ADARB2: variants seen among roughly 807,000 people sequenced by gnomAD.
ADARB2 encodes the protein adenosine deaminase RNA specific B2 (inactive).
In ADARB2, 25 loss-of-function variants were observed where a neutral mutation model predicts 62.2. The ratio of observed to expected loss-of-function variants is 0.40; its 90% confidence interval spans 0.29 to 0.56. ADARB2 has a LOEUF of 0.56. Ranked by LOEUF, ADARB2 falls within the 20% of genes least tolerant of loss-of-function variation. The pLI, the probability that ADARB2 is intolerant of heterozygous loss-of-function variation, is 0.43. For missense variants in ADARB2, 1,071 were observed against 1,077.4 expected (o/e 0.99, Z 0.08); for synonymous variants, 572 against 500.8 (o/e 1.14, Z -1.90).
At position 1,423,642 on chromosome 10, in the gene ADARB2, A is replaced by C. The variant is rs576037022; in HGVS notation, c.101-44482T>G. 1.1e-4 allele frequency among the ~76,000 whole-genome samples: 17 copies of C among 152,212 alleles called. No individual in the cohort carries two copies. The South Asian group carries it at 3.3e-3, about 30-fold the overall frequency. On this transcript the variant is annotated intron_variant, in intron 1 of 9. Coordinates refer to ENST00000381312, the MANE Select transcript of ADARB2 (RefSeq NM_018702.4). ...TATGCAGTAGGTCCACTATGTATGC[A>C]GTAAGATCACTGTGTATGCAGTAGG...
At chr10:1,427,868 T>C (rs1281771566) in intron 1 of ADARB2, among the ~76,000 whole-genome samples, 2 of 152,218 alleles carry the variant, frequency 1.3e-5, no homozygotes, top group Non-Finnish European at 2.9e-5. Context: ...CACACCATGG[T>C]CATACACACT....
intron 3 of ADARB2, among the ~76,000 whole-genome samples, chr10:1,327,288 GCC>G (rs1831872225): frequency 1.5e-5 from 1 of 66,990 alleles, no homozygotes; most frequent in South Asian, 5.2e-4. Context: ...CCTCCTCACT[GCC>G]CAGCGCCTCC....
At chr10:1,342,349 C>A (rs1832037667) in intron 3 of ADARB2, among the ~76,000 whole-genome samples, 1 of 152,208 alleles carries the variant, frequency 6.6e-6, no homozygotes, top group East Asian at 1.9e-4. Context: ...ACCAACAGGG[C>A]CTTGACTCTG....
At chr10:1,559,192 C>T (rs371217379) in intron 1 of ADARB2, among the ~76,000 whole-genome samples, 6 of 152,204 alleles carry the variant, frequency 3.9e-5, no homozygotes, top group African/African-American at 1.4e-4. Context: ...CTTCTCCCCA[C>T]CCAGGACTCT....
intron 1 of ADARB2, among the ~76,000 whole-genome samples, chr10:1,581,231 G>A (rs1281644499): frequency 1.3e-5 from 2 of 152,266 alleles, no homozygotes; most frequent in African/African-American, 2.4e-5. Context: ...GTGCGGGGAA[G>A]AAGCCTGGAA....
intron 1 of ADARB2, among the ~76,000 whole-genome samples, chr10:1,560,801 C>G (rs892124048): frequency 3.3e-5 from 5 of 152,236 alleles, no homozygotes; most frequent in African/African-American, 1.2e-4. Flanking sequence ...GAGCCCCAGA[C>G]TGGGCAGCTG....
intron 1 of ADARB2, among the ~76,000 whole-genome samples, chr10:1,613,233 T>G (rs17156621): frequency 0.19 from 29,133 of 152,194 alleles, 2,927 homozygotes; most frequent in East Asian, 0.34. Context: ...AGAATGCCTT[T>G]GGGGCAAAAC....
intron 1 of ADARB2, among the ~76,000 whole-genome samples, chr10:1,543,798 G>A (rs900628454): frequency 1.3e-5 from 2 of 152,150 alleles, no homozygotes; most frequent in Admixed American, 6.5e-5. Context: ...CGCTGGGCCC[G>A]CTTATTAGTG....
At chr10:1,365,385 C>T (rs2131851957) in intron 2 of ADARB2, among the ~76,000 whole-genome samples, 1 of 152,202 alleles carries the variant, frequency 6.6e-6, no homozygotes. Context: ...GCTCAGGCCT[C>T]CCTGAGAAGC....
intron 1 of ADARB2, among the ~76,000 whole-genome samples, chr10:1,638,363 G>A (rs1260893397): frequency 6.6e-6 from 1 of 152,290 alleles, no homozygotes. Flanking sequence ...TGACTAACTT[G>A]ATGTCACATA....
intron 7 of ADARB2, among the ~76,000 whole-genome samples, chr10:1,205,079 G>A (rs1327560659): frequency 3.3e-5 from 5 of 152,082 alleles, no homozygotes; most frequent in Non-Finnish European, 5.9e-5. Context: ...CTTAGGTCCC[G>A]GCCGCCATTC....
chr10:1,242,444 T>G, intron 4 of ADARB2, 145 bp from the exon 5 acceptor site: 1 of 1,147,700 alleles, frequency 8.7e-7, no homozygotes, highest in South Asian at 1.6e-5. Flanking sequence ...AAGCGAGGCT[T>G]CTGTGTGCTC....
chr10:1,682,536 G>T (rs1380415588), intron 1 of ADARB2, among the ~76,000 whole-genome samples: 1 of 152,116 alleles, frequency 6.6e-6, no homozygotes, highest in Non-Finnish European at 1.5e-5. Flanking sequence ...TCATCCCCTC[G>T]GTTGGCCATT....
In ADARB2 at chr10:1,363,634, C is replaced by T. The variant is rs551013892; in HGVS notation, c.471G>A (p.Ala157=). 34 of 1,605,440 alleles carry T rather than the reference C, an allele frequency of 2.1e-5. 1 individual carries two copies. In the Middle Eastern group the frequency reaches 9.9e-4, roughly 47 times the overall value. The change falls in exon 3 of 10, where the codon GCG becomes GCA. Residue 157 remains alanine, a synonymous_variant. Coordinates refer to ENST00000381312, the MANE Select transcript of ADARB2 (RefSeq NM_018702.4). The stretch of plus-strand genomic sequence containing the variant: ...TGAGCCCGTTCACCTCCACCGCTAC[C>T]GCGAAGACCGGGGCATGCACCGGGC... The part of the protein sequence containing the change: ...QTGPVHAPVF[A]VAVEVNGLTF...
intron 1 of ADARB2, among the ~76,000 whole-genome samples, chr10:1,522,067 C>T (rs919935753): frequency 2.0e-5 from 3 of 151,938 alleles, no homozygotes; most frequent in African/African-American, 7.3e-5. Context: ...AAGATTGTTA[C>T]GAAAAATGAA....
At chr10:1,569,110 TAAAG>T (rs909928004) in intron 1 of ADARB2, among the ~76,000 whole-genome samples, 28 of 143,056 alleles carry the variant, frequency 2.0e-4, no homozygotes, top group African/African-American at 6.0e-4. Flanking sequence ...GACAGGGATA[TAAAG>T]AAAGAGACAG....
chr10:1,294,832 G>GT (rs1831509710), intron 3 of ADARB2, among the ~76,000 whole-genome samples: 3 of 152,194 alleles, frequency 2.0e-5, no homozygotes, highest in African/African-American at 7.2e-5. Context: ...TGGAGTGGTG[G>GT]CTCTCAGCCC....
At chr10:1,450,296 ATCT>A (rs1831020678) in intron 1 of ADARB2, among the ~76,000 whole-genome samples, 1 of 152,234 alleles carries the variant, frequency 6.6e-6, no homozygotes, top group Non-Finnish European at 1.5e-5. Context: ...GACACTAATA[ATCT>A]TTGGAAAATC....
intron 3 of ADARB2, chr10:1,290,207 T>C (rs1831452608): frequency 4.6e-5 from 2 of 43,110 alleles, no homozygotes; most frequent in African/African-American, 8.2e-5. Flanking sequence ...TTTTCCCCCA[T>C]GTCTGACAAG....
Sources: gnomAD v4.1 joint callset for allele counts (sites outside exome capture counted in the v4.1 genomes callset) on GRCh38, gnomAD v4.1.1 for gene constraint, MANE v1.5 for transcripts, NCBI Gene and HGNC (gene_info 2026-07-23, HGNC 2026-07-21) for gene names.